AHRR: variants seen among roughly 807,000 people sequenced by gnomAD.
AHRR encodes ahR repressor.
In AHRR, 28 loss-of-function variants were observed where a neutral mutation model predicts 44.0. The ratio of observed to expected loss-of-function variants is 0.64; its 90% CI spans 0.47 to 0.87. The LOEUF is 0.87. AHRR is among the 40% of genes least tolerant of loss of function. The pLI is 0.00. For synonymous variants in AHRR, 434 were observed against 407.0 expected (o/e 1.07, Z -0.80); for missense variants, 990 against 953.9 (o/e 1.04, Z -0.50).
chr5:438,052 G>C lies in AHRR; in HGVS notation c.*3218G>C, dbSNP rs111244540. On this transcript the variant is annotated 3_prime_UTR_variant, in exon 11 of 11. Coordinates refer to ENST00000684583, the MANE Select transcript of AHRR (RefSeq NM_001377236.1). ...TCAAATATAAGGTGGGAATGGGATG[G>C]AAGGGAGGAGATCAATACAACTTAT... 2.6e-5 allele frequency: 4 copies of C among 152,364 alleles called. No individual in the cohort carries two copies. The highest frequency in any genetic ancestry group is 5.9e-5 in the Non-Finnish European group (4 of 68,040). The allele number at this position is 152,364 out of a possible 1,614,324, so 9.4% of individuals were successfully genotyped here. A position where few individuals can be genotyped will look rare whatever the true frequency, so the allele number is the denominator to read the frequency against.
intron 4 of AHRR, among the ~76,000 whole-genome samples, chr5:385,977 C>T (rs1048735777): frequency 7.9e-5 from 12 of 152,230 alleles, no homozygotes; most frequent in Non-Finnish European, 1.5e-4. Flanking sequence ...TTTTCTCTGT[C>T]GCCTCCATTT....
chr5:345,411 G>GCT (rs1742615433), intron 2 of AHRR, among the ~76,000 whole-genome samples: 1 of 102,538 alleles, frequency 9.8e-6, no homozygotes, highest in Admixed American at 1.0e-4. Context: ...GATGTCCCTG[G>GCT]CTGTGTGTGT....
intron 2 of AHRR, among the ~76,000 whole-genome samples, chr5:350,499 C>A (rs1442120254): frequency 2.0e-5 from 3 of 152,156 alleles, no homozygotes; most frequent in Admixed American, 6.5e-5. Context: ...GTATCCTGTC[C>A]GTGGCCTGTG....
intron 4 of AHRR, among the ~76,000 whole-genome samples, chr5:381,506 C>CTT (rs781159124): frequency 0.13 from 5,980 of 46,806 alleles, 2,242 homozygotes; most frequent in Non-Finnish European, 0.17. Context: ...CTTAGGTTTG[C>CTT]TTTTTTTTTT....
rs754980789 is a variant in AHRR at position 433,853 on chromosome 5, G to A, written c.1113G>A (p.Gly371=). 2.1e-5 allele frequency: 31 copies of A among 1,491,398 alleles called. No individual in the cohort carries two copies. The highest frequency in any genetic ancestry group is 2.7e-5 in the Non-Finnish European group (30 of 1,123,514). 92.4% of individuals were successfully genotyped at this position (1,491,398 alleles called of 1,614,324 possible). A position where few individuals can be genotyped will look rare whatever the true frequency, so the allele number is the denominator to read the frequency against. The change falls in exon 11 of 11, where the codon GGG becomes GGA. Residue 371 remains glycine, a splice_region_variant and synonymous_variant. Transcript: ENST00000684583. ...AATGGGCCCCGTCTTTTCTCTGCAG[G>A]GACAGGGAGGAGGAGCAGCACAGGA... ...DLVLDPKGGS[G]DREEEQHRML... is the part of the protein sequence containing the mutation.
At chr5:407,042 T>G (rs1735290203) in intron 4 of AHRR, among the ~76,000 whole-genome samples, 1 of 152,238 alleles carries the variant, frequency 6.6e-6, no homozygotes, top group East Asian at 1.9e-4. Context: ...TCCATTGATT[T>G]ATGTGTCTGT....
chr5:360,099 G>A (rs1355813915), intron 3 of AHRR, among the ~76,000 whole-genome samples: 2 of 151,994 alleles, frequency 1.3e-5, no homozygotes, highest in Non-Finnish European at 2.9e-5. Flanking sequence ...CGCTTAGGAA[G>A]AAATTAAGGT....
chr5:332,672 A>T (rs963705980), intron 1 of AHRR, among the ~76,000 whole-genome samples: 8 of 152,160 alleles, frequency 5.3e-5, no homozygotes, highest in African/African-American at 1.9e-4. Flanking sequence ...TCTATAATGT[A>T]AATGTATGTG....
At chr5:376,439 T>A (rs888237807) in intron 3 of AHRR, among the ~76,000 whole-genome samples, 171 bp from the exon 4 acceptor site, 3 of 11,044 alleles carry the variant, frequency 2.7e-4, no homozygotes, top group African/African-American at 3.1e-4. Context: ...CACCTTGGAC[T>A]CTCAGGGCTG....
intron 5 of AHRR, among the ~76,000 whole-genome samples, chr5:420,338 C>T (rs1248038470): frequency 2.0e-5 from 3 of 152,218 alleles, no homozygotes; most frequent in Admixed American, 2.0e-4. Context: ...CGAAGACAAT[C>T]CCCTGGCAAC....
At chr5:371,779 A>G (rs909808467) in intron 3 of AHRR, among the ~76,000 whole-genome samples, 1 of 152,138 alleles carries the variant, frequency 6.6e-6, no homozygotes, top group African/African-American at 2.4e-5. Context: ...TTTACTTAGG[A>G]TGATTCCCTA....
At chr5:423,064 G>T (rs538887139) in intron 6 of AHRR, among the ~76,000 whole-genome samples, 2 of 152,086 alleles carry the variant, frequency 1.3e-5, no homozygotes, top group Non-Finnish European at 2.9e-5. Flanking sequence ...CGTGTGGCTC[G>T]AGTGTGCTTC....
chr5:330,489 T>C (rs1425537317), intron 1 of AHRR, among the ~76,000 whole-genome samples: 2 of 152,150 alleles, frequency 1.3e-5, no homozygotes, highest in African/African-American at 4.8e-5. Context: ...TTCTCATGCC[T>C]CAGCCTCCCG....
chr5:373,261 C>G (rs1038411629), intron 3 of AHRR, among the ~76,000 whole-genome samples: 3 of 152,258 alleles, frequency 2.0e-5, no homozygotes, highest in African/African-American at 7.2e-5. Context: ...CTGCCCTGCA[C>G]CCGGCTGGGT....
intron 3 of AHRR, among the ~76,000 whole-genome samples, chr5:363,305 G>C (rs140564209): frequency 2.6e-5 from 4 of 152,290 alleles, no homozygotes; most frequent in Non-Finnish European, 5.9e-5. Flanking sequence ...GAGGGCTCTG[G>C]GGGCATTCTC....
In AHRR at chr5:435,116, G is replaced by A. The variant is rs1736950384; in HGVS notation, c.*282G>A. On this transcript the variant is annotated 3_prime_UTR_variant, in exon 11 of 11. Transcript: ENST00000684583. ...TAAAATCTTTAGGAAAGTGATCATG[G>A]CTGGACAGCTTCATGCCCCAGAGGC... 3 of 437,806 alleles carry A rather than the reference G, an allele frequency of 6.9e-6. No individual in the cohort carries two copies. Among genetic ancestry groups the A allele is most frequent in the Non-Finnish European group, 1.2e-5 (3 of 245,738 alleles). 27.1% of individuals were successfully genotyped at this position (437,806 alleles called of 1,614,324 possible).
In AHRR at chr5:404,843, GC is replaced by G. The variant is rs752961223; in HGVS notation, c.352-8499del. 3.3e-5 allele frequency among the ~76,000 whole-genome samples: 5 copies of G among 152,160 alleles called. No homozygotes were observed. In the South Asian group the frequency reaches 1.0e-3, roughly 32 times the overall value. ...AGATGATTATCCAGCTTGCTAATCT[GC>G]CAGCGGGCACCACCTGCCATTCCTC... On this transcript the variant is annotated intron_variant, in intron 4 of 10. Coordinates refer to ENST00000684583, the MANE Select transcript of AHRR (RefSeq NM_001377236.1). The surrounding 1 kb of genome is among the most constrained non-coding windows in gnomAD (Gnocchi z 4.1).
At chr5:377,409 G>A (rs535119531) in intron 4 of AHRR, among the ~76,000 whole-genome samples, 19 of 152,332 alleles carry the variant, frequency 1.2e-4, no homozygotes, top group African/African-American at 4.6e-4. Flanking sequence ...GGTGGTCCCA[G>A]GATGGGGTTG....
intron 7 of AHRR, chr5:427,551 T>C (rs1736484311): frequency 8.5e-6 from 13 of 1,522,402 alleles, no homozygotes; most frequent in Non-Finnish European, 1.2e-5. Context: ...GGAATGAACC[T>C]GTCAAAGGCC....
Sources: gnomAD v4.1 joint callset for allele counts (sites outside exome capture counted in the v4.1 genomes callset) on GRCh38, gnomAD v4.1.1 for gene constraint, Gnocchi (gnomAD v3.1) non-coding constraint, MANE v1.5 for transcripts, NCBI Gene and HGNC (gene_info 2026-07-23, HGNC 2026-07-21) for gene names.